TRPS1: variants seen among roughly 807,000 people sequenced by gnomAD.
TRPS1 encodes transcriptional repressor GATA binding 1, also known as zinc finger transcription factor Trps1.
TRPS1 carries 6 observed loss-of-function variants against 101.2 expected under a neutral mutation model. The ratio of observed to expected loss-of-function variants is 0.06; its 90% CI spans 0.03 to 0.12. TRPS1 has a LOEUF of 0.12. Among genes scored for constraint, TRPS1 ranks in the 10% least tolerant of loss-of-function variants. The pLI, the probability that TRPS1 is intolerant of heterozygous loss-of-function variation, is 1.00. For missense variants in TRPS1, 1,363 were observed against 1,567.0 expected, an observed-to-expected ratio of 0.87 and a Z score of 2.20; for synonymous variants, 578 against 589.8, an observed-to-expected ratio of 0.98 and a Z score of 0.29.
chr8:115,554,795 A>AT (rs1203029956), intron 5 of TRPS1, among the ~76,000 whole-genome samples: 6 of 152,152 alleles, frequency 3.9e-5, no homozygotes, highest in Non-Finnish European at 8.8e-5. Context: ...GAGTCCTGAG[A>AT]TAAGGGCAGC....
intron 5 of TRPS1, among the ~76,000 whole-genome samples, chr8:115,483,777 T>C (rs998397857): frequency 2.0e-5 from 3 of 152,194 alleles, no homozygotes; most frequent in Admixed American, 2.0e-4. Context: ...GAGGTATGTA[T>C]GCATATCAGA....
intron 5 of TRPS1, among the ~76,000 whole-genome samples, chr8:115,438,082 T>A (rs1416788650): frequency 6.6e-6 from 1 of 152,078 alleles, no homozygotes; most frequent in Non-Finnish European, 1.5e-5. Context: ...GAGTCAAATT[T>A]AAAAAAATAG....
intron 5 of TRPS1, among the ~76,000 whole-genome samples, chr8:115,546,874 C>T (rs568739828): frequency 6.6e-6 from 1 of 152,226 alleles, no homozygotes; most frequent in South Asian, 2.1e-4. Context: ...GCACAGATGT[C>T]ACAAGTACGG....
At chr8:115,479,799 G>T (rs1201488051) in intron 5 of TRPS1, among the ~76,000 whole-genome samples, 8 of 152,128 alleles carry the variant, frequency 5.3e-5, no homozygotes, top group African/African-American at 1.9e-4. Flanking sequence ...AATAAAGCCA[G>T]AATGATCAAT....
At chr8:115,492,457 C>CTGTGTG (rs72046761) in intron 5 of TRPS1, among the ~76,000 whole-genome samples, 2 of 145,382 alleles carry the variant, frequency 1.4e-5, no homozygotes, top group African/African-American at 5.0e-5. Context: ...GTGCCAAGCA[C>CTGTGTG]TGTGTGTGTG....
At chr8:115,624,773 TCTAA>T (rs1818468767) in intron 1 of TRPS1, among the ~76,000 whole-genome samples, 1 of 151,794 alleles carries the variant, frequency 6.6e-6, no homozygotes, top group African/African-American at 2.4e-5. Flanking sequence ...TAAAAATAAT[TCTAA>T]CTATTTTATC....
intron 5 of TRPS1, among the ~76,000 whole-genome samples, chr8:115,555,920 AG>A (rs972833996): frequency 6.6e-6 from 1 of 152,082 alleles, no homozygotes; most frequent in African/African-American, 2.4e-5. Context: ...GCTACTCAGG[AG>A]GCTGAGGTGG....
intron 5 of TRPS1, among the ~76,000 whole-genome samples, chr8:115,499,921 T>C (rs1016606915): frequency 2.2e-5 from 2 of 88,938 alleles, no homozygotes; most frequent in East Asian, 5.4e-4. Flanking sequence ...CTAAATTTCT[T>C]TCTTTCTTTC....
At chr8:115,537,913 G>A (rs939157320) in intron 5 of TRPS1, among the ~76,000 whole-genome samples, 1 of 152,108 alleles carries the variant, frequency 6.6e-6, no homozygotes, top group African/African-American at 2.4e-5. Flanking sequence ...TAATTGCTTG[G>A]TGCTATGTTG....
At position 115,619,645 on chromosome 8, in the gene TRPS1, A is replaced by G. The variant is rs772317491; in HGVS notation, c.453T>C (p.Asp151=). The G allele has an allele frequency of 3.7e-6, 6 of 1,614,024 alleles. No homozygotes were observed. Among genetic ancestry groups the G allele is most frequent in the Admixed American group, 1.7e-5 (1 of 59,998 alleles). The stretch of plus-strand genomic sequence containing the variant: ...AGTCCCCTGAGGGGGTGCAGGCCAT[A>G]TCTTGAGGGTCATCTGCCTCTGCTC... ...PQRAEADDPQ[D]MACTPSGDSL... is the part of the protein sequence containing the mutation. The change falls in exon 3 of 7, where the codon GAT becomes GAC. Residue 151 remains aspartate, a synonymous_variant. Coordinates refer to ENST00000395715, the MANE Select transcript of TRPS1 (RefSeq NM_014112.5).
intron 5 of TRPS1, among the ~76,000 whole-genome samples, chr8:115,442,736 C>T (rs1349510748): frequency 1.3e-5 from 2 of 150,858 alleles, no homozygotes; most frequent in Admixed American, 6.6e-5. Context: ...CTGAGGCGGG[C>T]GGATCATTTG....
At chr8:115,643,249 T>C (rs1361794597) in intron 1 of TRPS1, among the ~76,000 whole-genome samples, 2 of 152,284 alleles carry the variant, frequency 1.3e-5, no homozygotes, top group South Asian at 4.1e-4. Flanking sequence ...CAATGAAGCT[T>C]CCCACATCAA....
intron 5 of TRPS1, among the ~76,000 whole-genome samples, chr8:115,572,714 A>G (rs921077417): frequency 4.6e-5 from 7 of 152,172 alleles, no homozygotes; most frequent in African/African-American, 1.7e-4. Flanking sequence ...ATGACAGCCT[A>G]CGTTTCCAGC....
intron 5 of TRPS1, among the ~76,000 whole-genome samples, chr8:115,572,367 A>T (rs1358418250): frequency 1.3e-5 from 2 of 152,180 alleles, no homozygotes; most frequent in East Asian, 3.9e-4. Context: ...ACCAACTGAT[A>T]AGCAACCTCT....
At chr8:115,493,499 G>A (rs886441372) in intron 5 of TRPS1, among the ~76,000 whole-genome samples, 2 of 151,978 alleles carry the variant, frequency 1.3e-5, no homozygotes, top group Non-Finnish European at 2.9e-5. Flanking sequence ...ACACATGTGC[G>A]CCATGACGCC....
In TRPS1 at chr8:115,526,796, C is replaced by T. The variant is rs139148942; in HGVS notation, c.2700+60205G>A. On this transcript the variant is annotated intron_variant, in intron 5 of 6. Coordinates refer to ENST00000395715, the MANE Select transcript of TRPS1 (RefSeq NM_014112.5). The stretch of plus-strand genomic sequence containing the variant: ...CTACTAGCAATAAATTAGATAGTCA[C>T]ACAAGGATTAATTACAGAATTGACC... Among the ~76,000 whole-genome samples, 4 of 152,266 alleles carry T rather than the reference C, an allele frequency of 2.6e-5. No individual in the cohort carries two copies. In the East Asian group the frequency reaches 5.8e-4, roughly 22 times the overall value.
intron 5 of TRPS1, among the ~76,000 whole-genome samples, chr8:115,473,625 T>C (rs16887476): frequency 0.036 from 5,515 of 152,328 alleles, 373 homozygotes; most frequent in African/African-American, 0.13. Context: ...GCATCCTTAA[T>C]TAAAGCATTC....
At chr8:115,445,505 A>G (rs1390735208) in intron 5 of TRPS1, among the ~76,000 whole-genome samples, 1 of 152,130 alleles carries the variant, frequency 6.6e-6, no homozygotes, top group Non-Finnish European at 1.5e-5. Context: ...ATTATACCCC[A>G]ATTCCTCTTT....
intron 5 of TRPS1, among the ~76,000 whole-genome samples, chr8:115,455,777 T>TTCTC (rs760824860): frequency 8.2e-6 from 1 of 121,276 alleles, no homozygotes; most frequent in South Asian, 2.3e-4. Context: ...CTTTCTTTCT[T>TTCTC]TTTTTTTTTT....
Sources: gnomAD v4.1 joint callset for allele counts (sites outside exome capture counted in the v4.1 genomes callset) on GRCh38, gnomAD v4.1.1 for gene constraint, MANE v1.5 for transcripts, NCBI Gene and HGNC (gene_info 2026-07-23, HGNC 2026-07-21) for gene names.